GSK3B: variants seen among roughly 807,000 people sequenced by gnomAD.
The protein encoded by GSK3B is glycogen synthase kinase-3 beta.
A neutral mutation model predicts 56.4 loss-of-function variants in GSK3B; 15 were observed. The ratio of observed to expected loss-of-function variants is 0.27; its 90% CI spans 0.18 to 0.41. The LOEUF is 0.41. GSK3B is among the 10% of genes least tolerant of loss of function. The pLI is 1.00. For synonymous variants in GSK3B, 181 were observed against 188.9 expected (o/e 0.96, Z 0.34); for missense variants, 300 against 513.4 (o/e 0.58, Z 4.02).
intron 1 of GSK3B, among the ~76,000 whole-genome samples, chr3:120,018,897 C>T (rs1389089177): frequency 2.0e-5 from 3 of 152,240 alleles, no homozygotes; most frequent in Non-Finnish European, 4.4e-5. Flanking sequence ...TATCACAATA[C>T]TAAGTAATAA....
At chr3:119,942,331 T>C (rs1287976570) in intron 3 of GSK3B, among the ~76,000 whole-genome samples, 1 of 152,164 alleles carries the variant, frequency 6.6e-6, no homozygotes, top group African/African-American at 2.4e-5. Flanking sequence ...GGAGTTTCAC[T>C]GTTGTTGCCC....
rs550233623 is a variant in GSK3B, at chr3:120,072,277, G to A, written c.88+21070C>T. On this transcript the variant is annotated intron_variant, in intron 1 of 10. Coordinates refer to ENST00000264235, the MANE Select transcript of GSK3B (RefSeq NM_001146156.2). Reference sequence around the variant, plus strand: ...TTCTATTAATATTTAATTATCTTCGGCCGGGCACGGTAGCTTACGCCTGTA... The same window carrying A: ...TTCTATTAATATTTAATTATCTTCGACCGGGCACGGTAGCTTACGCCTGTA... Among the ~76,000 whole-genome samples the A allele has an allele frequency of 5.3e-5, 8 of 152,176 alleles. 1 individual carries two copies. In the South Asian group the frequency reaches 1.2e-3, roughly 24 times the overall value.
intron 1 of GSK3B, chr3:120,029,137 A>G: frequency 1.4e-6 from 1 of 707,260 alleles, no homozygotes; most frequent in Non-Finnish European, 2.5e-6. Context: ...TTTTGATGAT[A>G]TAAAAGCTGA....
intron 1 of GSK3B, among the ~76,000 whole-genome samples, chr3:120,066,398 T>G (rs1175752594): frequency 2.0e-5 from 3 of 152,100 alleles, no homozygotes; most frequent in African/African-American, 7.2e-5. Flanking sequence ...AGAGCCAACA[T>G]GACGGGGCTC....
intron 8 of GSK3B, among the ~76,000 whole-genome samples, chr3:119,868,618 C>T (rs963295816): frequency 2.6e-5 from 4 of 152,170 alleles, no homozygotes; most frequent in Non-Finnish European, 5.9e-5. Context: ...TGTAGCCAAT[C>T]AGAGCAATGT....
At chr3:120,032,218 C>A (rs546275678) in intron 1 of GSK3B, among the ~76,000 whole-genome samples, 2 of 151,920 alleles carry the variant, frequency 1.3e-5, no homozygotes, top group African/African-American at 4.8e-5. Context: ...GGCTCATGCC[C>A]GTAACCCCAA....
chr3:119,833,693 T>G (rs1040180789), intron 10 of GSK3B, among the ~76,000 whole-genome samples: 2 of 143,708 alleles, frequency 1.4e-5, no homozygotes, highest in East Asian at 3.9e-4. Flanking sequence ...TTAGGTTGTT[T>G]TTTTTTTTTT....
At chr3:119,958,258 A>T (rs2057235386) in intron 2 of GSK3B, among the ~76,000 whole-genome samples, 1 of 152,166 alleles carries the variant, frequency 6.6e-6, no homozygotes, top group Non-Finnish European at 1.5e-5. Flanking sequence ...ACTGTGAACC[A>T]ATTAAACATC....
At chr3:119,857,071 A>G (rs1283499248) in intron 9 of GSK3B, among the ~76,000 whole-genome samples, 2 of 152,210 alleles carry the variant, frequency 1.3e-5, no homozygotes, top group African/African-American at 4.8e-5. Context: ...TAATTTAAAA[A>G]TACTTTATCA....
chr3:119,970,823 AAAAAAC>A (rs1291599050), intron 2 of GSK3B, among the ~76,000 whole-genome samples: 10 of 151,732 alleles, frequency 6.6e-5, no homozygotes, highest in Admixed American at 6.6e-4. Context: ...AACAAAAAAT[AAAAAAC>A]AAAAACAATC....
intron 1 of GSK3B, among the ~76,000 whole-genome samples, chr3:120,087,400 C>T (rs2058473137): frequency 6.6e-6 from 1 of 152,046 alleles, no homozygotes. Flanking sequence ...GGTGTGGTGG[C>T]AGGCACCTGT....
chr3:119,929,305 A>C (rs372339268), intron 3 of GSK3B, among the ~76,000 whole-genome samples: 18 of 152,236 alleles, frequency 1.2e-4, no homozygotes, highest in African/African-American at 4.1e-4. Flanking sequence ...GGTCATTAAC[A>C]CAGATGTCAA....
chr3:120,076,880 T>TA (rs1229114509), intron 1 of GSK3B, among the ~76,000 whole-genome samples: 1 of 136,708 alleles, frequency 7.3e-6, no homozygotes, highest in Admixed American at 7.2e-5. Context: ...AAAGGTGACC[T>TA]AAAAAACGGC....
chr3:119,868,241 A>G (rs1051267753), intron 8 of GSK3B, among the ~76,000 whole-genome samples: 1 of 152,178 alleles, frequency 6.6e-6, no homozygotes. Flanking sequence ...GCAGCAACTC[A>G]TTTTCTTAAA....
At chr3:119,862,482 A>G (rs1300077581) in intron 9 of GSK3B, among the ~76,000 whole-genome samples, 1 of 132,778 alleles carries the variant, frequency 7.5e-6, no homozygotes, top group African/African-American at 2.7e-5. Flanking sequence ...TATGTAACTA[A>G]CCTGCACAAT....
At chr3:120,004,201 T>C (rs2057704731) in intron 1 of GSK3B, among the ~76,000 whole-genome samples, 1 of 151,980 alleles carries the variant, frequency 6.6e-6, no homozygotes, top group South Asian at 2.1e-4. Flanking sequence ...GGGAGGGGCG[T>C]TTGCCATTGC....
At chr3:119,917,377 G>A (rs1208612337) in intron 4 of GSK3B, among the ~76,000 whole-genome samples, 2 of 152,222 alleles carry the variant, frequency 1.3e-5, no homozygotes, top group Middle Eastern at 3.4e-3. Flanking sequence ...GTACAGATAA[G>A]ATCTTTTATA....
At chr3:119,854,682 T>G (rs933161532) in intron 9 of GSK3B, among the ~76,000 whole-genome samples, 1 of 152,238 alleles carries the variant, frequency 6.6e-6, no homozygotes, top group Non-Finnish European at 1.5e-5. Context: ...ATCCATTTCT[T>G]CTAGATTTTC....
chr3:119,864,714 A>G (rs899399383), intron 8 of GSK3B, among the ~76,000 whole-genome samples: 2 of 152,244 alleles, frequency 1.3e-5, no homozygotes, highest in Non-Finnish European at 2.9e-5. Flanking sequence ...TTGGTTGTTC[A>G]CTTATGCTGA....
Sources: allele counts gnomAD v4.1 joint callset (sites outside exome capture counted in the v4.1 genomes callset), GRCh38; gene constraint gnomAD v4.1.1; transcripts MANE v1.5; gene names NCBI Gene and HGNC (gene_info 2026-07-23, HGNC 2026-07-21).